CACNB2: variants seen among roughly 807,000 people sequenced by gnomAD.
The protein encoded by CACNB2 is voltage-dependent L-type calcium channel subunit beta-2.
A neutral mutation model predicts 73.3 loss-of-function variants in CACNB2; 42 were observed. The ratio of observed to expected loss-of-function variants is 0.57; its 90% CI spans 0.45 to 0.74. The LOEUF (loss-of-function observed/expected upper bound fraction) is 0.74. Among genes scored for constraint, CACNB2 ranks in the 30% least tolerant of loss-of-function variants. The pLI is 0.00. For missense variants in CACNB2, 940 were observed against 853.0 expected (o/e 1.10, Z -1.27); for synonymous variants, 348 against 310.3 (o/e 1.12, Z -1.28).
chr10:18,415,832 G>A (rs2044926097), intron 3 of CACNB2, among the ~76,000 whole-genome samples: 2 of 152,134 alleles, frequency 1.3e-5, no homozygotes, highest in South Asian at 4.1e-4. Context: ...TGCCACAGAT[G>A]CCTAGAATCT....
At position 18,180,410 on chromosome 10, in the gene CACNB2, C is replaced by A. The variant is rs1016294296; in HGVS notation, c.213+29435C>A. Reference sequence around the variant, plus strand: ...CCTTGTCTTTTTCTTTTACGTCAGGCAGGATGATATAATGGGAGAATGTGG... The same window carrying A: ...CCTTGTCTTTTTCTTTTACGTCAGGAAGGATGATATAATGGGAGAATGTGG... On this transcript the variant is annotated intron_variant, in intron 2 of 13. Coordinates refer to ENST00000324631, the MANE Select transcript of CACNB2 (RefSeq NM_201596.3). Among the ~76,000 whole-genome samples the A allele has an allele frequency of 2.0e-4, 31 of 151,528 alleles. 1 individual carries two copies. The highest frequency in any genetic ancestry group is 8.8e-5 in the Non-Finnish European group (6 of 67,970).
intron 9 of CACNB2, among the ~76,000 whole-genome samples, chr10:18,526,361 C>T (rs2052470197): frequency 6.6e-6 from 1 of 152,134 alleles, no homozygotes; most frequent in Admixed American, 6.6e-5. Flanking sequence ...TGTCTAGGGT[C>T]CCCTGGTCAG....
chr10:18,508,928 A>G (rs1200684184), intron 6 of CACNB2, among the ~76,000 whole-genome samples: 1 of 152,238 alleles, frequency 6.6e-6, no homozygotes, highest in African/African-American at 2.4e-5. Context: ...GTAAAATAAC[A>G]TTCCATTTTG....
chr10:18,440,082 T>C (rs2046337865), intron 3 of CACNB2, among the ~76,000 whole-genome samples: 1 of 152,190 alleles, frequency 6.6e-6, no homozygotes, highest in Non-Finnish European at 1.5e-5. Context: ...ATTCAGTGTC[T>C]GGGGAAGGTT....
chr10:18,221,466 G>T (rs1198451149), intron 2 of CACNB2, among the ~76,000 whole-genome samples: 1 of 152,146 alleles, frequency 6.6e-6, no homozygotes, highest in African/African-American at 2.4e-5. Context: ...ATCACTTGAG[G>T]CCAGGAGTTC....
chr10:18,195,416 CA>C (rs563068011), intron 2 of CACNB2, among the ~76,000 whole-genome samples: 31 of 152,310 alleles, frequency 2.0e-4, no homozygotes, highest in African/African-American at 5.3e-4. Flanking sequence ...ATTGATCTCT[CA>C]GGGGGTATCA....
chr10:18,453,038 C>T (rs1173683917), intron 3 of CACNB2, among the ~76,000 whole-genome samples: 1 of 152,228 alleles, frequency 6.6e-6, no homozygotes, highest in Non-Finnish European at 1.5e-5. Context: ...CTCTCTGTTT[C>T]TCTCCCCTGC....
chr10:18,518,557 CTGT>C (rs1447515986), intron 8 of CACNB2, 141 bp downstream of exon 8: 12 of 736,472 alleles, frequency 1.6e-5, no homozygotes, highest in Admixed American at 5.8e-5. Flanking sequence ...GCAGCAAAGC[CTGT>C]TGTTCTGCAA....
intron 3 of CACNB2, among the ~76,000 whole-genome samples, chr10:18,459,867 G>A (rs2047472544): frequency 6.6e-6 from 1 of 152,090 alleles, no homozygotes; most frequent in South Asian, 2.1e-4. Context: ...GAATGACGAT[G>A]GGTGCCTGTA....
At chr10:18,537,176 C>T (rs1015736431) in intron 12 of CACNB2, among the ~76,000 whole-genome samples, 7 of 151,922 alleles carry the variant, frequency 4.6e-5, no homozygotes, top group African/African-American at 1.2e-4. Flanking sequence ...TTAGTAGAGA[C>T]GGGGCTTTGC....
intron 10 of CACNB2, among the ~76,000 whole-genome samples, chr10:18,531,641 C>T (rs987409888): frequency 4.6e-5 from 7 of 152,108 alleles, no homozygotes; most frequent in South Asian, 2.1e-4. Context: ...AGTGTATAAG[C>T]GTTCCTTTTT....
chr10:18,533,288 C>T (rs1407204965), intron 10 of CACNB2: 3 of 152,152 alleles, frequency 2.0e-5, no homozygotes, highest in Non-Finnish European at 4.4e-5. Flanking sequence ...TTCAAGTGCT[C>T]AGTAGCCCAT....
chr10:18,173,869 C>A (rs983764356), intron 2 of CACNB2, among the ~76,000 whole-genome samples: 1 of 152,094 alleles, frequency 6.6e-6, no homozygotes, highest in Non-Finnish European at 1.5e-5. Context: ...TTAGATTTTA[C>A]GTTTCTATAA....
intron 3 of CACNB2, among the ~76,000 whole-genome samples, chr10:18,487,621 G>A (rs996853931): frequency 1.3e-5 from 2 of 152,010 alleles, no homozygotes; most frequent in Non-Finnish European, 2.9e-5. Flanking sequence ...GATCATCTGA[G>A]GTCAGGAGTT....
intron 9 of CACNB2, 103 bp downstream of exon 9, chr10:18,519,071 C>A: frequency 1.1e-6 from 1 of 904,710 alleles, no homozygotes; most frequent in South Asian, 1.3e-5. Flanking sequence ...CCTCTGATGT[C>A]TATATGATGA....
chr10:18,233,290 T>C (rs766517562), intron 2 of CACNB2, among the ~76,000 whole-genome samples: 5 of 152,164 alleles, frequency 3.3e-5, no homozygotes, highest in Non-Finnish European at 5.9e-5. Context: ...CTCTACAGTT[T>C]ATGCTTGAGG....
rs999916057 is a variant in CACNB2, at chr10:18,520,549, G to A, written c.944+1581G>A. 2.0e-5 allele frequency among the ~76,000 whole-genome samples: 3 copies of A among 152,262 alleles called. No homozygotes were observed. The East Asian group carries it at 5.8e-4, about 29-fold the overall frequency. On this transcript the variant is annotated intron_variant, in intron 9 of 13. Transcript: ENST00000324631. The stretch of plus-strand genomic sequence containing the variant: ...CATGACCCTGTTAAGATGTGAGCTA[G>A]TGCCCACCACTCCTTTACTCAAAAC...
chr10:18,518,492 C>T, intron 8 of CACNB2, 76 bp downstream of exon 8: 1 of 1,029,096 alleles, frequency 9.7e-7, no homozygotes, highest in Middle Eastern at 2.1e-4. Flanking sequence ...ACTCCCGACC[C>T]TCTCTCTGAA....
At chr10:18,264,484 T>C (rs910161526) in intron 2 of CACNB2, among the ~76,000 whole-genome samples, 5 of 152,172 alleles carry the variant, frequency 3.3e-5, no homozygotes, top group African/African-American at 1.2e-4. Context: ...AAACCAAGCA[T>C]TGTGAGCAAC....
Sources: allele counts gnomAD v4.1 joint callset (sites outside exome capture counted in the v4.1 genomes callset), GRCh38; gene constraint gnomAD v4.1.1; transcripts MANE v1.5; gene names NCBI Gene and HGNC (gene_info 2026-07-23, HGNC 2026-07-21).